Variants in PRKCB observed in about 807,000 individuals in gnomAD.
PRKCB encodes the protein protein kinase C beta, also known as protein kinase C beta type.
Under a neutral mutation model 81.5 loss-of-function variants are expected in PRKCB, and 13 were observed. The observed-to-expected ratio is 0.16, with a 90% CI of 0.10 to 0.25. The LOEUF (loss-of-function observed/expected upper bound fraction) is 0.25. PRKCB is among the 10% of genes least tolerant of loss of function. The probability of loss-of-function intolerance (pLI) is 1.00; values close to 1 mark genes in which losing one functional copy is unlikely to be tolerated. For synonymous variants in PRKCB, 335 were observed against 321.4 expected (o/e 1.04, Z -0.45); for missense variants, 509 against 875.7 (o/e 0.58, Z 5.29).
At chr16:23,869,027 GTGTTGT>G (rs1426560922) in intron 2 of PRKCB, 6 of 436,634 alleles carry the variant, frequency 1.4e-5, no homozygotes, top group Non-Finnish European at 2.3e-5. Flanking sequence ...GTGGTGGATT[GTGTTGT>G]TGTCTCAATT....
At chr16:24,182,164 G>C (rs1393753422) in intron 13 of PRKCB, among the ~76,000 whole-genome samples, 1 of 152,106 alleles carries the variant, frequency 6.6e-6, no homozygotes, top group Non-Finnish European at 1.5e-5. Flanking sequence ...TAGGCCAGGG[G>C]TTCCATAATC....
At chr16:23,948,099 G>A (rs1989647) in intron 2 of PRKCB, among the ~76,000 whole-genome samples, 53,856 of 151,718 alleles carry the variant, frequency 0.35, 9,809 homozygotes, top group South Asian at 0.52. Context: ...TGGAGGGGGA[G>A]GTGTTAAGTA....
At chr16:23,999,929 G>T (rs1199786582) in intron 3 of PRKCB, among the ~76,000 whole-genome samples, 1 of 152,166 alleles carries the variant, frequency 6.6e-6, no homozygotes, top group African/African-American at 2.4e-5. Context: ...ACGACGAGCA[G>T]GTTGTCGGCC....
intron 5 of PRKCB, among the ~76,000 whole-genome samples, chr16:24,045,768 A>C (rs1965755930): frequency 6.6e-6 from 1 of 152,214 alleles, no homozygotes; most frequent in African/African-American, 2.4e-5. Flanking sequence ...ATTTAACAAC[A>C]TCCCCTGGGG....
At chr16:23,960,264 T>C (rs1391487793) in intron 2 of PRKCB, among the ~76,000 whole-genome samples, 1 of 152,098 alleles carries the variant, frequency 6.6e-6, no homozygotes, top group Non-Finnish European at 1.5e-5. Context: ...TACCCATACC[T>C]CCTTGTTTTA....
intron 10 of PRKCB, among the ~76,000 whole-genome samples, chr16:24,159,165 G>A (rs1179525027): frequency 6.6e-6 from 1 of 152,216 alleles, no homozygotes; most frequent in East Asian, 1.9e-4. Flanking sequence ...TTCCATCTGA[G>A]CCTCTACCAT....
chr16:23,896,102 C>T (rs1201427751), intron 2 of PRKCB, among the ~76,000 whole-genome samples: 1 of 149,156 alleles, frequency 6.7e-6, no homozygotes, highest in East Asian at 1.9e-4. Flanking sequence ...CAAGACACAG[C>T]ATTTGGCAAG....
chr16:24,110,100 G>A (rs1596552234), intron 7 of PRKCB, among the ~76,000 whole-genome samples: 2 of 135,378 alleles, frequency 1.5e-5, no homozygotes, highest in East Asian at 4.1e-4. Flanking sequence ...GAGAGGGAGA[G>A]GGAGACCGTG....
chr16:23,910,738 GT>G (rs1462150606), intron 2 of PRKCB, among the ~76,000 whole-genome samples: 1 of 152,006 alleles, frequency 6.6e-6, no homozygotes, highest in African/African-American at 2.4e-5. Context: ...TATTTATAAT[GT>G]TGTAAGCCAT....
intron 2 of PRKCB, among the ~76,000 whole-genome samples, chr16:23,902,491 T>C (rs1002994439): frequency 3.9e-5 from 6 of 152,116 alleles, no homozygotes; most frequent in Non-Finnish European, 5.9e-5. Context: ...TTTCCTGCAG[T>C]TGTTTATTTG....
At chr16:23,985,356 C>T (rs1964791080) in intron 2 of PRKCB, among the ~76,000 whole-genome samples, 1 of 152,146 alleles carries the variant, frequency 6.6e-6, no homozygotes, top group South Asian at 2.1e-4. Context: ...CTCAGTCTCC[C>T]AAAGTGCTAG....
chr16:24,158,640 G>A (rs1967206398), intron 10 of PRKCB, among the ~76,000 whole-genome samples: 1 of 151,652 alleles, frequency 6.6e-6, no homozygotes, highest in South Asian at 2.1e-4. Flanking sequence ...GTGTGTATGT[G>A]TATGTGTGTG....
intron 9 of PRKCB, among the ~76,000 whole-genome samples, chr16:24,139,685 A>G (rs1223727784): frequency 1.3e-5 from 2 of 152,220 alleles, no homozygotes; most frequent in South Asian, 2.1e-4. Flanking sequence ...TCTTAATGCA[A>G]CCTGTCAATC....
At chr16:24,158,960 C>G (rs2141956861) in intron 10 of PRKCB, among the ~76,000 whole-genome samples, 1 of 152,282 alleles carries the variant, frequency 6.6e-6, no homozygotes, top group East Asian at 1.9e-4. Flanking sequence ...CACACCCAGC[C>G]TGAAGTCTTT....
chr16:23,988,802 T>C (rs1489749095), intron 3 of PRKCB, among the ~76,000 whole-genome samples: 3 of 152,124 alleles, frequency 2.0e-5, no homozygotes, highest in Admixed American at 2.0e-4. Context: ...GTTTGTCTAC[T>C]ATGATTTTGC....
Position 23,836,146 on chromosome 16 carries a change from C to A in PRKCB, c.-30C>A. The stretch of plus-strand genomic sequence containing the variant: ...CGGTCCCGCGGCCCCGGGGCCGGCA[C>A]CTCTCGGGCTCCGGCTCCCCGCGCG... On this transcript the variant is annotated 5_prime_UTR_variant, in exon 1 of 17. Coordinates refer to ENST00000643927, the MANE Select transcript of PRKCB (RefSeq NM_002738.7). The A allele has an allele frequency of 7.0e-7, 1 of 1,426,632 alleles. No individual in the cohort carries two copies. The highest frequency in any genetic ancestry group is 9.2e-7 in the Non-Finnish European group (1 of 1,089,548). The allele number at this position is 1,426,632 out of a possible 1,614,324, so 88.4% of individuals were successfully genotyped here.
chr16:23,866,324 G>A (rs993707177), intron 2 of PRKCB, among the ~76,000 whole-genome samples: 1 of 152,120 alleles, frequency 6.6e-6, no homozygotes, highest in African/African-American at 2.4e-5. Flanking sequence ...TAGATTTTGT[G>A]ACCCAGCATA....
chr16:24,205,216 T>C (rs951354214), intron 16 of PRKCB, among the ~76,000 whole-genome samples: 6 of 147,376 alleles, frequency 4.1e-5, no homozygotes, highest in African/African-American at 1.5e-4. Context: ...AGTGGAACAG[T>C]CATAGCTCAC....
At position 24,154,795 on chromosome 16, in the gene PRKCB, G is replaced by T. The variant is rs761166216; in HGVS notation, c.1177G>T (p.Val393Leu). The stretch of plus-strand genomic sequence containing the variant: ...GGAGTGCACTATGGTGGAGAAGCGG[G>T]TGTTGGCCCTGCCTGGGAAGCCGCC... ...DVECTMVEKR[V>L]LALPGKPPFL... Residue 393 changes from valine to leucine, a missense_variant, in exon 10 of 17, where the codon GTG (valine) becomes TTG (leucine). Coordinates refer to ENST00000643927, the MANE Select transcript of PRKCB (RefSeq NM_002738.7). The T allele has an allele frequency of 1.5e-5, 24 of 1,614,074 alleles. No individual in the cohort carries two copies. Among genetic ancestry groups the T allele is most frequent in the Non-Finnish European group, 2.0e-5 (24 of 1,180,024 alleles).
Sources: allele counts gnomAD v4.1 joint callset (sites outside exome capture counted in the v4.1 genomes callset), GRCh38; gene constraint gnomAD v4.1.1; transcripts MANE v1.5; gene names NCBI Gene and HGNC (gene_info 2026-07-23, HGNC 2026-07-21).